SCUBE2: variants seen among roughly 807,000 people sequenced by gnomAD.
SCUBE2 encodes signal peptide, CUB domain and EGF like domain containing 2.
SCUBE2 carries 114 observed loss-of-function variants against 125.9 expected under a neutral mutation model. The ratio of observed to expected loss-of-function variants is 0.91; its 90% confidence interval spans 0.78 to 1.06. SCUBE2 has a LOEUF of 1.06. SCUBE2 is among the 50% of genes least tolerant of loss of function. The pLI, the probability that SCUBE2 is intolerant of heterozygous loss-of-function variation, is 0.00. For synonymous variants in SCUBE2, 459 were observed against 492.9 expected (o/e 0.93, Z 0.91); for missense variants, 1,255 against 1,301.8 (o/e 0.96, Z 0.55).
intron 4 of SCUBE2, among the ~76,000 whole-genome samples, chr11:9,072,949 T>TCAGTACTCAGG (rs1860928621): frequency 6.6e-6 from 1 of 152,112 alleles, no homozygotes; most frequent in African/African-American, 2.4e-5. Context: ...GAGCCAGGGC[T>TCAGTACTCAGG]CTGGAAGTAC....
At chr11:9,023,103 T>G (rs918860302) in intron 21 of SCUBE2, among the ~76,000 whole-genome samples, 2 of 152,238 alleles carry the variant, frequency 1.3e-5, no homozygotes, top group Admixed American at 1.3e-4. Context: ...TCTAGCTTAC[T>G]TCCTATAGGC....
Position 9,054,699 on chromosome 11 carries a change from G to GTATATATATATATATATATATATATA in SCUBE2, c.1208-941_1208-940insTATATATATATATATATATATATATA, listed in dbSNP as rs1491160291. The stretch of plus-strand genomic sequence containing the variant: ...GATAACTGTCAGTAGCAAAGCACTA[G>GTATATATATATATATATATATATATA]TGTATATATATATATATATATATAT... On this transcript the variant is annotated intron_variant, in intron 10 of 22. Transcript: ENST00000649792. Among the ~76,000 whole-genome samples, 8 of 44,712 alleles carry GTATATATATATATATATATATATATA rather than the reference G, an allele frequency of 1.8e-4. 1 individual carries two copies. Among genetic ancestry groups the GTATATATATATATATATATATATATA allele is most frequent in the Admixed American group, 3.3e-4 (1 of 3,050 alleles). The allele number at this position is 44,712 out of a possible 152,430, so 29.3% of individuals were successfully genotyped here. A position where few individuals can be genotyped will look rare whatever the true frequency, so the allele number is the denominator to read the frequency against.
chr11:9,075,009 A>C (rs1861105371), intron 3 of SCUBE2, among the ~76,000 whole-genome samples: 1 of 152,142 alleles, frequency 6.6e-6, no homozygotes, highest in Non-Finnish European at 1.5e-5. Context: ...TGAGGTCAGG[A>C]ATTCAAGACC....
rs1246829580 is a variant in SCUBE2, at chr11:9,091,055, C to T, written c.133+341G>A. 6.6e-6 allele frequency among the ~76,000 whole-genome samples: 1 copy of T among 152,222 alleles called. No homozygotes were observed. Among genetic ancestry groups the T allele is most frequent in the Non-Finnish European group, 1.5e-5 (1 of 68,032 alleles). On this transcript the variant is annotated intron_variant, in intron 1 of 22. Transcript: ENST00000649792. The surrounding 1 kb of genome is among the most constrained non-coding windows in gnomAD (Gnocchi z 8.5). ...GTGCCCGGCCCGGCCCTCAGTTTCCCCGCCTACGCTGAGGCGCGGGACCCC... is the reference window on the plus strand; with the variant it reads ...GTGCCCGGCCCGGCCCTCAGTTTCCTCGCCTACGCTGAGGCGCGGGACCCC...
rs567223151 is a variant in SCUBE2, at chr11:9,050,809, A to C, written c.1535-99T>G. The C allele has an allele frequency of 5.9e-4, 513 of 874,140 alleles. 1 individual carries two copies. The highest frequency in any genetic ancestry group is 1.4e-3 in the Admixed American group (80 of 57,124). The allele number at this position is 874,140 out of a possible 1,614,324, so 54.1% of individuals were successfully genotyped here. On this transcript the variant is annotated intron_variant, in intron 13 of 22. Transcript: ENST00000649792. ...GCTGTCCATTGGTGGCTTCCACCACACACAGCACACCCTGAGACCCTCTCC... is the reference window on the plus strand; with the variant it reads ...GCTGTCCATTGGTGGCTTCCACCACCCACAGCACACCCTGAGACCCTCTCC...
chr11:9,047,265 A>C (rs1485921822), intron 16 of SCUBE2, 91 bp downstream of exon 16: 38 of 1,304,196 alleles, frequency 2.9e-5, no homozygotes, highest in Non-Finnish European at 3.6e-5. Flanking sequence ...AGCCCTGAGA[A>C]GGGAGGATGG....
chr11:9,053,054 TG>T (rs1566204146), intron 12 of SCUBE2, 44 bp downstream of exon 12: 1 of 1,524,530 alleles, frequency 6.6e-7, no homozygotes, highest in Admixed American at 1.7e-5. Context: ...CAGAGAGGCC[TG>T]GCCCCAGTGT....
chr11:9,030,175 T>A, intron 18 of SCUBE2, 130 bp from the exon 19 acceptor site: 1 of 1,032,532 alleles, frequency 9.7e-7, no homozygotes, highest in Non-Finnish European at 1.4e-6. Flanking sequence ...CCTACCAATC[T>A]GGGGCTAATC....
chr11:9,069,778 G>C (rs917976822), intron 4 of SCUBE2, among the ~76,000 whole-genome samples: 2 of 152,186 alleles, frequency 1.3e-5, no homozygotes, highest in African/African-American at 4.8e-5. Context: ...AGAGCCTGCT[G>C]ACCCCAGGAA....
intron 14 of SCUBE2, among the ~76,000 whole-genome samples, chr11:9,048,999 A>T (rs1216165331): frequency 6.6e-6 from 1 of 152,012 alleles, no homozygotes; most frequent in Non-Finnish European, 1.5e-5. Flanking sequence ...GTAACTTCAG[A>T]TCTTAAACTG....
At chr11:9,070,982 T>A (rs1439769593) in intron 4 of SCUBE2, among the ~76,000 whole-genome samples, 1 of 152,104 alleles carries the variant, frequency 6.6e-6, no homozygotes, top group Non-Finnish European at 1.5e-5. Flanking sequence ...TTGCACTGGA[T>A]TGGTGGAAAG....
chr11:9,024,765 C>T (rs569551613), intron 21 of SCUBE2, among the ~76,000 whole-genome samples: 1 of 152,310 alleles, frequency 6.6e-6, no homozygotes, highest in Admixed American at 6.5e-5. Flanking sequence ...TATTTCAAGA[C>T]CCACATCTCT....
intron 16 of SCUBE2, among the ~76,000 whole-genome samples, chr11:9,044,977 C>T (rs1426796072): frequency 6.6e-6 from 1 of 152,188 alleles, no homozygotes; most frequent in Non-Finnish European, 1.5e-5. Context: ...TTCCATTCCA[C>T]TTCCCTGCAG....
At chr11:9,030,680 A>G in intron 18 of SCUBE2, 78 bp downstream of exon 18, 2 of 1,466,770 alleles carry the variant, frequency 1.4e-6, no homozygotes, top group Non-Finnish European at 1.9e-6. Flanking sequence ...GCTGGGCTTG[A>G]CTGGAGCCTC....
At chr11:9,046,056 G>T (rs1303974536) in intron 16 of SCUBE2, among the ~76,000 whole-genome samples, 1 of 145,122 alleles carries the variant, frequency 6.9e-6, no homozygotes, top group East Asian at 2.0e-4. Context: ...GCCCAGGCTG[G>T]AGTGCAGTGG....
At chr11:9,024,830 G>C (rs979938901) in intron 21 of SCUBE2, among the ~76,000 whole-genome samples, 5 of 152,176 alleles carry the variant, frequency 3.3e-5, no homozygotes, top group African/African-American at 1.2e-4. Flanking sequence ...TGCTGCTGCT[G>C]CTTCCATGCT....
intron 15 of SCUBE2, 85 bp downstream of exon 15, chr11:9,047,858 C>T: frequency 6.9e-7 from 1 of 1,447,274 alleles, no homozygotes. Context: ...ATTACTTTTC[C>T]CCCAAGAATA....
chr11:9,025,860 A>G lies in SCUBE2; in HGVS notation c.2702-6T>C. 1 of 1,613,350 alleles carries G rather than the reference A, an allele frequency of 6.2e-7. No homozygotes were observed. ...TGTCACAGAATTGGATGAAGCTGCC[A>G]AGGGAAGTTGGAGAAGGGTGGGGTT... On this transcript the variant is annotated splice_polypyrimidine_tract_variant and splice_region_variant and intron_variant, in intron 20 of 22. Coordinates refer to ENST00000649792, the MANE Select transcript of SCUBE2 (RefSeq NM_001367977.2).
At chr11:9,077,864 ACT>A (rs1430369462) in intron 3 of SCUBE2, among the ~76,000 whole-genome samples, 1 of 152,098 alleles carries the variant, frequency 6.6e-6, no homozygotes, top group Non-Finnish European at 1.5e-5. Flanking sequence ...GCAAGAAAAG[ACT>A]CTGCCTTCAG....
Sources: allele counts gnomAD v4.1 joint callset (sites outside exome capture counted in the v4.1 genomes callset), GRCh38; gene constraint gnomAD v4.1.1; non-coding constraint Gnocchi (gnomAD v3.1); transcripts MANE v1.5; gene names NCBI Gene and HGNC (gene_info 2026-07-23, HGNC 2026-07-21).